The following OLFML2B variants were observed in gnomAD, a reference collection of about 807,000 sequenced individuals.
OLFML2B encodes olfactomedin-like protein 2B.
A neutral mutation model predicts 74.9 loss-of-function variants in OLFML2B; 57 were observed. The observed-to-expected ratio is 0.76, with a 90% CI of 0.61 to 0.95. The LOEUF (loss-of-function observed/expected upper bound fraction) is 0.95, where lower values mean the gene tolerates loss of function less well. Ranked by LOEUF, OLFML2B falls within the 40% of genes least tolerant of loss-of-function variation. The pLI is 0.00. For missense variants in OLFML2B, 986 were observed against 970.6 expected, an observed-to-expected ratio of 1.02 and a Z score of -0.21; for synonymous variants, 388 against 405.8, an observed-to-expected ratio of 0.96 and a Z score of 0.53.
rs146292482 is a variant in OLFML2B, at chr1:162,016,415, G to C, written c.546+985C>G. 3.0e-3 allele frequency among the ~76,000 whole-genome samples: 460 copies of C among 152,276 alleles called. 1 individual carries two copies. Among genetic ancestry groups the C allele is most frequent in the Middle Eastern group, 6.8e-3 (2 of 294 alleles). On this transcript the variant is annotated intron_variant, in intron 3 of 7. Transcript: ENST00000294794. Reference sequence around the variant, plus strand: ...CAAACCGCTACATCTACTAATCATAGATCGAAGAACCTTAGCTCTTTCATG... The same window carrying C: ...CAAACCGCTACATCTACTAATCATACATCGAAGAACCTTAGCTCTTTCATG...
intron 4 of OLFML2B, among the ~76,000 whole-genome samples, chr1:162,003,400 T>C (rs780156147): frequency 6.6e-6 from 1 of 152,182 alleles, no homozygotes; most frequent in Non-Finnish European, 1.5e-5. Flanking sequence ...CCCCAGTAAC[T>C]GTCTTTAATT....
intron 3 of OLFML2B, among the ~76,000 whole-genome samples, chr1:162,010,954 G>A (rs1359203489): frequency 6.6e-6 from 1 of 152,136 alleles, no homozygotes; most frequent in African/African-American, 2.4e-5. Flanking sequence ...AATCAGGCTT[G>A]AGGCATGTGG....
At chr1:161,989,055 C>T (rs1410764282) in intron 6 of OLFML2B, among the ~76,000 whole-genome samples, 2 of 152,178 alleles carry the variant, frequency 1.3e-5, no homozygotes, top group Non-Finnish European at 2.9e-5. Flanking sequence ...ACCTCTATGG[C>T]GTAGTTCAGA....
chr1:161,983,650 G>A lies in OLFML2B; in HGVS notation c.*25C>T. On this transcript the variant is annotated 3_prime_UTR_variant, in exon 8 of 8. Transcript: ENST00000294794. Reference sequence around the variant, plus strand: ...CACAAGGTGCTAGTGACCCCTCTGTGCTTCTGCTTGTGGGGACAAGGGTGT... The same window carrying A: ...CACAAGGTGCTAGTGACCCCTCTGTACTTCTGCTTGTGGGGACAAGGGTGT... 6.3e-7 allele frequency: 1 copy of A among 1,585,710 alleles called. No homozygotes were observed. The highest frequency in any genetic ancestry group is 8.6e-7 in the Non-Finnish European group (1 of 1,163,090).
At chr1:161,984,349 G>T in intron 7 of OLFML2B, 73 bp from the exon 8 acceptor site, 1 of 1,499,262 alleles carries the variant, frequency 6.7e-7, no homozygotes, top group Non-Finnish European at 8.9e-7. Context: ...GGTTAAGTGA[G>T]TGATGATCAA....
intron 6 of OLFML2B, 77 bp downstream of exon 6, chr1:161,997,748 C>T (rs1689952696): frequency 6.8e-7 from 1 of 1,474,334 alleles, no homozygotes; most frequent in South Asian, 1.3e-5. Context: ...GTGCCTCCCT[C>T]TCCTCTCAAG....
chr1:162,018,983 G>C (rs971557167), intron 2 of OLFML2B, among the ~76,000 whole-genome samples: 1 of 152,204 alleles, frequency 6.6e-6, no homozygotes, highest in Non-Finnish European at 1.5e-5. Flanking sequence ...CTACAACTGA[G>C]TGAGTGTGGC....
At chr1:162,017,096 C>T (rs1690561568) in intron 3 of OLFML2B, among the ~76,000 whole-genome samples, 1 of 152,072 alleles carries the variant, frequency 6.6e-6, no homozygotes, top group Non-Finnish European at 1.5e-5. Flanking sequence ...TGTACCTTTA[C>T]ATTTCATTGA....
intron 7 of OLFML2B, 72 bp downstream of exon 7, chr1:161,984,732 G>A: frequency 6.8e-7 from 1 of 1,480,932 alleles, no homozygotes; most frequent in Admixed American, 1.8e-5. Context: ...CACCCAAAGA[G>A]GCCTGGCTGT....
intron 2 of OLFML2B, among the ~76,000 whole-genome samples, chr1:162,017,850 A>G (rs1690588414): frequency 6.6e-6 from 1 of 152,204 alleles, no homozygotes. Context: ...CCTTGAAAGT[A>G]GTGTCTCAAT....
chr1:162,014,117 G>A (rs937839704), intron 3 of OLFML2B, among the ~76,000 whole-genome samples: 1 of 152,108 alleles, frequency 6.6e-6, no homozygotes, highest in Non-Finnish European at 1.5e-5. Context: ...GGGCCTTTTG[G>A]GGTATTAAAA....
At chr1:161,988,008 A>G (rs916535733) in intron 6 of OLFML2B, among the ~76,000 whole-genome samples, 5 of 152,192 alleles carry the variant, frequency 3.3e-5, no homozygotes, top group African/African-American at 1.2e-4. Flanking sequence ...ACTTGGCAGC[A>G]AACCATCAGC....
chr1:161,984,248 C>G lies in OLFML2B; in HGVS notation c.1680G>C (p.Pro560=). 3 of 1,524,386 alleles carry G rather than the reference C, an allele frequency of 2.0e-6. No homozygotes were observed. Among genetic ancestry groups the G allele is most frequent in the Non-Finnish European group, 2.6e-6 (3 of 1,137,286 alleles). The allele number at this position is 1,524,386 out of a possible 1,614,324, so 94.4% of individuals were successfully genotyped here. Residue 560 remains proline, a synonymous_variant, in exon 8 of 8, where the codon CCG becomes CCC. Coordinates refer to ENST00000294794, the MANE Select transcript of OLFML2B (RefSeq NM_015441.3). ...QGRWSNSYKL[P]YSWIGTGHVV... Reference sequence around the variant, plus strand: ...CGTGGCCTGTGCCGATCCAGCTGTACGGGAGCTTGTAGGAATTGCTCCAGC... The same window carrying G: ...CGTGGCCTGTGCCGATCCAGCTGTAGGGGAGCTTGTAGGAATTGCTCCAGC...
At chr1:162,022,512 G>A (rs148894144) in intron 1 of OLFML2B, among the ~76,000 whole-genome samples, 1 of 152,126 alleles carries the variant, frequency 6.6e-6, no homozygotes, top group African/African-American at 2.4e-5. Flanking sequence ...GCCTCCCAAA[G>A]TGCTGGGATT....
At chr1:161,994,885 CT>C (rs1212750546) in intron 6 of OLFML2B, among the ~76,000 whole-genome samples, 2 of 152,202 alleles carry the variant, frequency 1.3e-5, no homozygotes, top group Non-Finnish European at 2.9e-5. Flanking sequence ...AAAAATCTTT[CT>C]TTTAAAATTA....
intron 3 of OLFML2B, among the ~76,000 whole-genome samples, chr1:162,011,749 C>T (rs1432511883): frequency 1.3e-5 from 2 of 152,178 alleles, no homozygotes; most frequent in African/African-American, 2.4e-5. Context: ...GCAGGAAAGT[C>T]AAACAAGGCA....
chr1:162,002,078 C>G (rs1690095158), intron 4 of OLFML2B, among the ~76,000 whole-genome samples: 1 of 152,208 alleles, frequency 6.6e-6, no homozygotes, highest in East Asian at 1.9e-4. Context: ...GCCAGACTCC[C>G]TGTCCAGGAT....
intron 6 of OLFML2B, among the ~76,000 whole-genome samples, chr1:161,996,890 G>A (rs772314968): frequency 1.3e-4 from 20 of 152,324 alleles, no homozygotes; most frequent in Middle Eastern, 6.8e-3. Context: ...CAGCGCAGTG[G>A]CTCACGCCTG....
At chr1:162,012,087 T>A (rs745500909) in intron 3 of OLFML2B, among the ~76,000 whole-genome samples, 79 of 152,314 alleles carry the variant, frequency 5.2e-4, no homozygotes, top group Non-Finnish European at 9.7e-4. Flanking sequence ...ACCCTCTGCC[T>A]TTTCACGTAT....
Sources: allele counts gnomAD v4.1 joint callset (sites outside exome capture counted in the v4.1 genomes callset), GRCh38; gene constraint gnomAD v4.1.1; transcripts MANE v1.5; gene names NCBI Gene and HGNC (gene_info 2026-07-23, HGNC 2026-07-21).